The following MAP3K14 variants were observed in gnomAD, a reference collection of about 807,000 sequenced individuals.
MAP3K14 encodes mitogen-activated protein kinase kinase kinase 14.
In MAP3K14, 16 loss-of-function variants were observed where a neutral mutation model predicts 99.2. The ratio of observed to expected loss-of-function variants is 0.16; its 90% confidence interval spans 0.11 to 0.24. The LOEUF (loss-of-function observed/expected upper bound fraction) is 0.24, where lower values mean the gene tolerates loss of function less well. Among genes scored for constraint, MAP3K14 ranks in the 10% least tolerant of loss-of-function variants. The pLI, the probability that MAP3K14 is intolerant of heterozygous loss-of-function variation, is 1.00. For missense variants in MAP3K14, 784 were observed against 1,208.7 expected, an observed-to-expected ratio of 0.65 and a Z score of 5.21; for synonymous variants, 462 against 492.4, an observed-to-expected ratio of 0.94 and a Z score of 0.82.
intron 1 of MAP3K14, among the ~76,000 whole-genome samples, chr17:45,299,901 G>A (rs1190072183): frequency 6.6e-6 from 1 of 151,854 alleles, no homozygotes; most frequent in Non-Finnish European, 1.5e-5. Flanking sequence ...ACCAGCCTGG[G>A]CAACATAGTG....
At chr17:45,289,665 A>T (rs1408945675) in intron 2 of MAP3K14, among the ~76,000 whole-genome samples, 1 of 152,256 alleles carries the variant, frequency 6.6e-6, no homozygotes, top group Non-Finnish European at 1.5e-5. Flanking sequence ...AGGTATTTAT[A>T]TATGTGTGTA....
chr17:45,273,828 G>A (rs1937434876), intron 8 of MAP3K14: 1 of 654,100 alleles, frequency 1.5e-6, no homozygotes, highest in Non-Finnish European at 2.8e-6. Flanking sequence ...GACAGGAGCA[G>A]GGTTTACTCG....
intron 5 of MAP3K14, 76 bp from the exon 6 acceptor site, chr17:45,285,025 C>G: frequency 1.4e-6 from 2 of 1,477,630 alleles, no homozygotes; most frequent in South Asian, 2.6e-5. Context: ...GTGAGGAAGA[C>G]TCTCCAGCTG....
chr17:45,288,165 T>A (rs534522141), intron 3 of MAP3K14, among the ~76,000 whole-genome samples: 79 of 152,296 alleles, frequency 5.2e-4, no homozygotes, highest in Non-Finnish European at 9.4e-4. Context: ...CAGGCTTCTC[T>A]TGGACAGCTG....
rs1209159731 is a variant in MAP3K14 at position 45,290,593 on chromosome 17, G to T, written c.153C>A (p.Phe51Leu). The change falls in exon 2 of 16, where the codon TTC (phenylalanine) becomes TTA (leucine). Residue 51 changes from phenylalanine to leucine, a missense_variant. Transcript: ENST00000344686. Reference protein sequence around the residue: ...KLEAVEKSPVFCGKWEILNDV... With the variant: ...KLEAVEKSPVLCGKWEILNDV... ...CATTCAGGATCTCCCACTTTCCGCA[G>T]AACACAGGGCTCTTCTCCACGGCCT... 1 of 1,613,680 alleles carries T rather than the reference G, an allele frequency of 6.2e-7. No homozygotes were observed. Among genetic ancestry groups the T allele is most frequent in the Non-Finnish European group, 8.5e-7 (1 of 1,179,886 alleles).
Position 45,286,717 on chromosome 17 carries a change from C to G in MAP3K14, c.866G>C (p.Cys289Ser), listed in dbSNP as rs751459366. Reference sequence around the variant, plus strand: ...AGGCAAGGGTTTCTGGCTGTCTACACAGGCCAGTTTGCCCAGGAAGGACTC... The same window carrying G: ...AGGCAAGGGTTTCTGGCTGTCTACAGAGGCCAGTTTGCCCAGGAAGGACTC... ...PLESFLGKLA[C>S]VDSQKPLPDP... is the part of the protein sequence containing the mutation. The change falls in exon 5 of 16, where the codon TGT becomes TCT. Residue 289 changes from cysteine (C) to serine (S), a missense_variant. Cys to Ser is a moderately radical substitution (Grantham distance 112). Coordinates refer to ENST00000344686, the MANE Select transcript of MAP3K14 (RefSeq NM_003954.5). This position sits in a 1 kb window ranked among gnomAD's most constrained non-coding sequence, Gnocchi z 4.1. The G allele has an allele frequency of 9.9e-6, 16 of 1,610,100 alleles. No homozygotes were observed. In the South Asian group the frequency reaches 1.7e-4, roughly 17 times the overall value.
chr17:45,309,970 G>A (rs1326764344), intron 1 of MAP3K14, among the ~76,000 whole-genome samples: 2 of 151,690 alleles, frequency 1.3e-5, no homozygotes, highest in South Asian at 2.1e-4. Context: ...GAGACTGTTG[G>A]GCAGGACTCA....
In MAP3K14 at chr17:45,272,115, A is replaced by T. The variant is rs2044146599; in HGVS notation, c.1658-894T>A. 6.6e-6 allele frequency among the ~76,000 whole-genome samples: 1 copy of T among 152,104 alleles called. No individual in the cohort carries two copies. Among genetic ancestry groups the T allele is most frequent in the East Asian group, 1.9e-4 (1 of 5,194 alleles). On this transcript the variant is annotated intron_variant, in intron 9 of 15. Coordinates refer to ENST00000344686, the MANE Select transcript of MAP3K14 (RefSeq NM_003954.5). The surrounding 1 kb of genome is among the most constrained non-coding windows in gnomAD (Gnocchi z 4.1). ...GGTGGGAGGAATGCTTAAATCCAGG[A>T]ATTTAAGACCAGCCTGGGCAACATA... is the stretch of plus-strand genomic sequence containing the variant.
intron 10 of MAP3K14, 111 bp from the exon 11 acceptor site, chr17:45,270,674 T>G: frequency 7.3e-7 from 1 of 1,373,608 alleles, no homozygotes; most frequent in Non-Finnish European, 9.6e-7. Context: ...TGTGCTGGGG[T>G]CTACCACAAG....
chr17:45,281,432 C>A (rs1193004634), intron 6 of MAP3K14, among the ~76,000 whole-genome samples: 1 of 151,094 alleles, frequency 6.6e-6, no homozygotes. Context: ...GCAACCTCTG[C>A]CTCCTGGGTT....
intron 4 of MAP3K14, 42 bp downstream of exon 4, chr17:45,287,112 C>T: frequency 6.2e-7 from 1 of 1,602,308 alleles, no homozygotes; most frequent in Non-Finnish European, 8.5e-7. Context: ...AATTTCAAGG[C>T]CCCATGAACC....
chr17:45,267,620 C>T lies in MAP3K14; in HGVS notation c.2112G>A (p.Glu704=), dbSNP rs1567986569. The T allele has an allele frequency of 6.2e-7, 1 of 1,613,252 alleles. No individual in the cohort carries two copies. Among genetic ancestry groups the T allele is most frequent in the Admixed American group, 1.7e-5 (1 of 59,716 alleles). The change falls in exon 12 of 16, where the codon GAG becomes GAA. Residue 704 remains glutamate, a synonymous_variant. Coordinates refer to ENST00000344686, the MANE Select transcript of MAP3K14 (RefSeq NM_003954.5). This position sits in a 1 kb window ranked among gnomAD's most constrained non-coding sequence, Gnocchi z 5.1. ...GCTTAGGGGCTCTGCCTGTTGTCTC[C>T]TCAGCTGGCCGGGGCCCTGGGGCCC... ...SPRAPGPRPA[E]ETTGRAPKLQ... is the part of the protein sequence containing the mutation.
intron 8 of MAP3K14, 81 bp downstream of exon 8, chr17:45,274,042 C>A: frequency 1.3e-6 from 2 of 1,530,876 alleles, no homozygotes; most frequent in Non-Finnish European, 1.8e-6. Context: ...ACCAGGCTAG[C>A]CCAGAACTGA....
At chr17:45,266,481 C>T in intron 14 of MAP3K14, 56 bp downstream of exon 14, 1 of 1,558,932 alleles carries the variant, frequency 6.4e-7, no homozygotes. Context: ...GGCTGTCTAG[C>T]TCCAGGCAGA....
chr17:45,291,047 G>A (rs1158614533), intron 1 of MAP3K14: 2 of 318,772 alleles, frequency 6.3e-6, no homozygotes, highest in East Asian at 1.1e-4. Context: ...CTCCCTCTAG[G>A]AGAGCTGTGG....
In MAP3K14 at chr17:45,273,568, G is replaced by A. The variant is rs771771272; in HGVS notation, c.1592C>T (p.Ala531Val). 1.9e-6 allele frequency: 3 copies of A among 1,613,468 alleles called. No individual in the cohort carries two copies. Among genetic ancestry groups the A allele is most frequent in the South Asian group, 1.1e-5 (1 of 90,952 alleles). Reference protein sequence around the residue: ...VLLSSDGSHAALCDFGHAVCL... With the variant: ...VLLSSDGSHAVLCDFGHAVCL... ...CACAGCATGGCCAAAGTCACAGAGG[G>A]CTGCGTGGCTCCCATCGCTGGACAG... Residue 531 changes from alanine to valine, a missense_variant, in exon 9 of 16, where the codon GCC becomes GTC. Physicochemically the swap from Ala to Val is moderately conservative, Grantham distance 64. This residue lies in a region of MAP3K14 where 200 missense variants were observed against 367.9 expected (regional missense o/e 0.54). Transcript: ENST00000344686.
In MAP3K14 at chr17:45,290,508, T is replaced by C; in HGVS notation, c.238A>G (p.Ile80Val). 1 of 1,613,904 alleles carries C rather than the reference T, an allele frequency of 6.2e-7. No homozygotes were observed. The highest frequency in any genetic ancestry group is 8.5e-7 in the Non-Finnish European group (1 of 1,179,882). The change falls in exon 2 of 16, where the codon ATC (isoleucine) becomes GTC (valine). Residue 80 changes from isoleucine (I) to valine (V), a missense_variant. Physicochemically the swap from Ile to Val is conservative, Grantham distance 29. Transcript: ENST00000344686. ...CCCCTACACTCAGCCTGGGCGATGA[T>C]AGAGATGGCAGCTGGCCCTGCCTCG... The part of the protein sequence containing the change: ...GSEAGPAAIS[I>V]IAQAECENSQ...
At chr17:45,307,869 G>T (rs1020468410) in intron 1 of MAP3K14, among the ~76,000 whole-genome samples, 1 of 152,230 alleles carries the variant, frequency 6.6e-6, no homozygotes, top group East Asian at 1.9e-4. Flanking sequence ...TGCATGGAAG[G>T]AGGCACAGGT....
At chr17:45,301,539 G>C (rs981551575) in intron 1 of MAP3K14, among the ~76,000 whole-genome samples, 2 of 151,946 alleles carry the variant, frequency 1.3e-5, no homozygotes, top group Non-Finnish European at 2.9e-5. Flanking sequence ...ACAGGGGAAG[G>C]ATAATTATTA....
Sources: gnomAD v4.1 joint callset for allele counts (sites outside exome capture counted in the v4.1 genomes callset) on GRCh38, gnomAD v4.1.1 for gene constraint, gnomAD v4.1.1 regional missense constraint, Gnocchi (gnomAD v3.1) non-coding constraint, MANE v1.5 for transcripts, NCBI Gene and HGNC (gene_info 2026-07-23, HGNC 2026-07-21) for gene names.